CADPS: variants seen among roughly 807,000 people sequenced by gnomAD.
The protein encoded by CADPS is calcium-dependent secretion activator 1.
CADPS carries 57 observed loss-of-function variants against 167.3 expected under a neutral mutation model. That is an observed-to-expected ratio of 0.34 (90% CI 0.28 to 0.42). The LOEUF (loss-of-function observed/expected upper bound fraction) is 0.42. Among genes scored for constraint, CADPS ranks in the 20% least tolerant of loss-of-function variants. The pLI is 1.00. For missense variants in CADPS, 1,414 were observed against 1,738.1 expected (o/e 0.81, Z 3.32); for synonymous variants, 676 against 635.3 (o/e 1.06, Z -0.96).
chr3:62,557,724 T>C (rs1226017956), intron 9 of CADPS, among the ~76,000 whole-genome samples: 2 of 152,230 alleles, frequency 1.3e-5, no homozygotes, highest in African/African-American at 4.8e-5. Context: ...TCTTAGAACC[T>C]ACCTCATTGG....
At chr3:62,692,064 T>C (rs1412907803) in intron 3 of CADPS, among the ~76,000 whole-genome samples, 1 of 152,030 alleles carries the variant, frequency 6.6e-6, no homozygotes. Context: ...TCATCTGAAA[T>C]TTTCAACACC....
chr3:62,437,226 C>G (rs187816233), intron 28 of CADPS, among the ~76,000 whole-genome samples: 1 of 151,952 alleles, frequency 6.6e-6, no homozygotes, highest in Non-Finnish European at 1.5e-5. Context: ...GCACTCTGGC[C>G]GGGTCTACAC....
chr3:62,628,462 G>A (rs2064553104), intron 6 of CADPS, among the ~76,000 whole-genome samples: 1 of 152,072 alleles, frequency 6.6e-6, no homozygotes, highest in African/African-American at 2.4e-5. Context: ...TACTGATAGT[G>A]ACTTCCCAGG....
chr3:62,788,035 T>TA (rs35071077), intron 1 of CADPS, among the ~76,000 whole-genome samples: 16 of 152,174 alleles, frequency 1.1e-4, no homozygotes, highest in Admixed American at 2.0e-4. Context: ...CACAGTTGTA[T>TA]AAAAAATGTC....
chr3:62,506,085 T>C (rs536030229), intron 17 of CADPS, among the ~76,000 whole-genome samples: 1 of 152,264 alleles, frequency 6.6e-6, no homozygotes, highest in South Asian at 2.1e-4. Context: ...GGTTTCTTAA[T>C]GCAATTAAAT....
intron 23 of CADPS, 40 bp from the exon 24 acceptor site, chr3:62,474,360 G>C (rs1317509997): frequency 1.3e-6 from 2 of 1,599,536 alleles, no homozygotes; most frequent in African/African-American, 1.3e-5. Flanking sequence ...TCAGCGTTCA[G>C]ATGGCAGCAG....
chr3:62,658,442 C>T (rs1533163), intron 4 of CADPS, among the ~76,000 whole-genome samples: 28,601 of 151,956 alleles, frequency 0.19, 2,713 homozygotes, highest in Middle Eastern at 0.29. Flanking sequence ...ATATATTTTG[C>T]AATGATAGTA....
In CADPS at chr3:62,465,123, A is replaced by G. The variant is rs530050824; in HGVS notation, c.3636+244T>C. Among the ~76,000 whole-genome samples, 1 of 152,230 alleles carries G rather than the reference A, an allele frequency of 6.6e-6. No individual in the cohort carries two copies. The highest frequency in any genetic ancestry group is 1.9e-4 in the East Asian group (1 of 5,192). ...AATCTCTGGATGCATACAAATAGCA[A>G]TGTGTGTGTGTGTTCATAAAAAATA... On this transcript the variant is annotated intron_variant, in intron 26 of 29. Coordinates refer to ENST00000383710, the MANE Select transcript of CADPS (RefSeq NM_003716.4). This position sits in a 1 kb window ranked among gnomAD's most constrained non-coding sequence, Gnocchi z 4.1.
At chr3:62,474,348 A>G (rs961507723) in intron 23 of CADPS, 28 bp from the exon 24 acceptor site, 13 of 1,610,892 alleles carry the variant, frequency 8.1e-6, no homozygotes, top group Non-Finnish European at 1.0e-5. Flanking sequence ...GAAAAGACCA[A>G]TTCAGCGTTC....
In CADPS at chr3:62,433,957, A is replaced by G. The variant is rs914526538; in HGVS notation, c.3777+4147T>C. ...AACTTTAAATCACTGTCTTCAAGTT[A>G]TTTCTTGAGCTTGTGCTTTCCTCTG... On this transcript the variant is annotated intron_variant, in intron 28 of 29. Transcript: ENST00000383710. This position sits in a 1 kb window ranked among gnomAD's most constrained non-coding sequence, Gnocchi z 4.7. 1.3e-5 allele frequency among the ~76,000 whole-genome samples: 2 copies of G among 152,088 alleles called. No individual in the cohort carries two copies. Among genetic ancestry groups the G allele is most frequent in the African/African-American group, 4.8e-5 (2 of 41,418 alleles).
At position 62,649,543 on chromosome 3, in the gene CADPS, C is replaced by CTTTTTTTT. The variant is rs369874258; in HGVS notation, c.1203+1296_1203+1303dup. Among the ~76,000 whole-genome samples, 132 of 37,802 alleles carry CTTTTTTTT rather than the reference C, an allele frequency of 3.5e-3. 16 individuals carry two copies. The highest frequency in any genetic ancestry group is 9.2e-3 in the African/African-American group (83 of 9,010). 24.8% of individuals were successfully genotyped at this position (37,802 alleles called of 152,430 possible). On this transcript the variant is annotated intron_variant, in intron 5 of 29. Coordinates refer to ENST00000383710, the MANE Select transcript of CADPS (RefSeq NM_003716.4). ...TCAAGGGAATCATACAATATGTGGT[C>CTTTTTTTT]TTTTTTTTTTTTTTTTTTTTTTTTT... is the stretch of plus-strand genomic sequence containing the variant.
intron 2 of CADPS, among the ~76,000 whole-genome samples, chr3:62,758,841 C>A (rs1244850900): frequency 6.6e-6 from 1 of 152,180 alleles, no homozygotes; most frequent in Non-Finnish European, 1.5e-5. Context: ...AGCCAAGCAA[C>A]CTCAAGGTCA....
intron 1 of CADPS, among the ~76,000 whole-genome samples, chr3:62,808,756 T>C (rs1487871901): frequency 6.6e-6 from 1 of 152,012 alleles, no homozygotes; most frequent in Non-Finnish European, 1.5e-5. Context: ...CAAATACCAC[T>C]CAAAACTGTA....
chr3:62,819,597 G>A (rs2094803208), intron 1 of CADPS, among the ~76,000 whole-genome samples: 1 of 152,082 alleles, frequency 6.6e-6, no homozygotes, highest in South Asian at 2.1e-4. Flanking sequence ...TATACCTGGG[G>A]CATTGGGCCA....
chr3:62,566,280 G>A (rs958518794), intron 9 of CADPS, among the ~76,000 whole-genome samples: 4 of 152,306 alleles, frequency 2.6e-5, no homozygotes, highest in Admixed American at 6.5e-5. Context: ...GTGGTTCTCC[G>A]GGTTTCATGT....
intron 1 of CADPS, among the ~76,000 whole-genome samples, chr3:62,775,523 T>C (rs995949126): frequency 1.6e-4 from 24 of 152,214 alleles, no homozygotes; most frequent in Admixed American, 1.6e-3. Flanking sequence ...TAAGAAACTG[T>C]CCAGATTATG....
chr3:62,673,671 A>T (rs980706800), intron 3 of CADPS, among the ~76,000 whole-genome samples: 4 of 152,238 alleles, frequency 2.6e-5, no homozygotes, highest in Admixed American at 6.5e-5. Context: ...ATATATTTAA[A>T]TAATTATTTT....
intron 13 of CADPS, among the ~76,000 whole-genome samples, chr3:62,529,658 T>C (rs558037953): frequency 1.3e-5 from 2 of 152,256 alleles, no homozygotes; most frequent in Non-Finnish European, 2.9e-5. Flanking sequence ...TTCTTTGACC[T>C]TCCCTATTGG....
At chr3:62,537,241 T>G (rs1464803644) in intron 11 of CADPS, among the ~76,000 whole-genome samples, 2 of 152,208 alleles carry the variant, frequency 1.3e-5, no homozygotes, top group Non-Finnish European at 2.9e-5. Flanking sequence ...TAGCAAAGCT[T>G]AGGAAAGAGA....
Sources: allele counts gnomAD v4.1 joint callset (sites outside exome capture counted in the v4.1 genomes callset), GRCh38; gene constraint gnomAD v4.1.1; non-coding constraint Gnocchi (gnomAD v3.1); transcripts MANE v1.5; gene names NCBI Gene and HGNC (gene_info 2026-07-23, HGNC 2026-07-21).